GAS7: variants seen among roughly 807,000 people sequenced by gnomAD.
The protein encoded by GAS7 is growth arrest-specific protein 7.
In GAS7, 28 loss-of-function variants were observed where a neutral mutation model predicts 71.1. The observed-to-expected ratio is 0.39, with a 90% CI of 0.29 to 0.54. GAS7 has a LOEUF of 0.54. Ranked by LOEUF, GAS7 falls within the 20% of genes least tolerant of loss-of-function variation. GAS7 has a pLI of 0.62. For synonymous variants in GAS7, 258 were observed against 245.8 expected (o/e 1.05, Z -0.46); for missense variants, 436 against 627.8 (o/e 0.69, Z 3.27).
chr17:9,981,963 G>A lies in GAS7; in HGVS notation c.305-79C>T. On this transcript the variant is annotated intron_variant, in intron 2 of 13. Transcript: ENST00000432992. The surrounding 1 kb of genome is among the most constrained non-coding windows in gnomAD (Gnocchi z 4.4). The stretch of plus-strand genomic sequence containing the variant: ...TGAGTTTCACAGAGCAGAAGGAGAT[G>A]CTCAGAGCTGGAGAAAAAGAGAGAC... The A allele has an allele frequency of 1.2e-6, 1 of 816,442 alleles. No homozygotes were observed. The highest frequency in any genetic ancestry group is 2.2e-6 in the Non-Finnish European group (1 of 464,460). The allele number at this position is 816,442 out of a possible 1,614,324, so 50.6% of individuals were successfully genotyped here.
intron 1 of GAS7, among the ~76,000 whole-genome samples, chr17:10,169,043 G>A (rs568993356): frequency 2.6e-5 from 4 of 151,122 alleles, no homozygotes; most frequent in East Asian, 3.9e-4. Flanking sequence ...TTGGGAGGCC[G>A]AGGCAGGCAG....
chr17:10,148,243 G>C (rs780029984), intron 1 of GAS7, among the ~76,000 whole-genome samples: 1 of 152,084 alleles, frequency 6.6e-6, no homozygotes, highest in African/African-American at 2.4e-5. Context: ...AAGCTGCCTC[G>C]TTGGTTTCGG....
intron 1 of GAS7, among the ~76,000 whole-genome samples, chr17:10,021,957 G>C (rs1226006631): frequency 6.6e-6 from 1 of 152,142 alleles, no homozygotes; most frequent in Non-Finnish European, 1.5e-5. Flanking sequence ...GGGGTCAGGG[G>C]ATTAAAACTG....
At chr17:10,143,142 G>A (rs1227817288) in intron 1 of GAS7, among the ~76,000 whole-genome samples, 1 of 152,068 alleles carries the variant, frequency 6.6e-6, no homozygotes, top group East Asian at 1.9e-4. Context: ...AGATTGTGCC[G>A]CTACATTCCA....
intron 8 of GAS7, among the ~76,000 whole-genome samples, chr17:9,934,611 G>C (rs1597478763): frequency 6.6e-6 from 1 of 152,142 alleles, no homozygotes; most frequent in African/African-American, 2.4e-5. Flanking sequence ...CTTGACCCCT[G>C]GGCCGTCACT....
chr17:10,191,769 G>C (rs2074503476), intron 1 of GAS7, among the ~76,000 whole-genome samples: 1 of 151,138 alleles, frequency 6.6e-6, no homozygotes, highest in Non-Finnish European at 1.5e-5. Flanking sequence ...CAGCTACTCA[G>C]GAGGCTGAGG....
At chr17:10,079,452 T>A (rs886708420) in intron 1 of GAS7, among the ~76,000 whole-genome samples, 1 of 152,190 alleles carries the variant, frequency 6.6e-6, no homozygotes, top group African/African-American at 2.4e-5. Context: ...TTATGTCTGA[T>A]AAGAAATACT....
intron 2 of GAS7, among the ~76,000 whole-genome samples, chr17:9,982,922 C>T (rs1326736309): frequency 6.6e-6 from 1 of 151,546 alleles, no homozygotes; most frequent in Non-Finnish European, 1.5e-5. Flanking sequence ...TAGTATTGTC[C>T]CCCAAACACT....
At position 9,911,340 on chromosome 17, in the gene GAS7, C is replaced by G. The variant is rs1338680807; in HGVS notation, c.*5888G>C. ...CTCTCCCCCTGCATAGCAGGCTTTC[C>G]CTCTAGGTCTCCCAGTCACCCCACC... On this transcript the variant is annotated 3_prime_UTR_variant, in exon 14 of 14. Coordinates refer to ENST00000432992, the MANE Select transcript of GAS7 (RefSeq NM_201433.2). The surrounding 1 kb of genome is among the most constrained non-coding windows in gnomAD (Gnocchi z 4.0). 1 of 233,390 alleles carries G rather than the reference C, an allele frequency of 4.3e-6. No individual in the cohort carries two copies. The highest frequency in any genetic ancestry group is 2.2e-5 in the African/African-American group (1 of 45,350). The allele number at this position is 233,390 out of a possible 1,614,324, so 14.5% of individuals were successfully genotyped here.
chr17:9,924,512 C>G (rs925032102), intron 11 of GAS7, among the ~76,000 whole-genome samples: 1 of 136,986 alleles, frequency 7.3e-6, no homozygotes, highest in Non-Finnish European at 1.5e-5. Context: ...TTAAACAGAT[C>G]TCTTCCCCTT....
Position 10,006,391 on chromosome 17 carries a change from G to T in GAS7, c.304+13386C>A, listed in dbSNP as rs528764949. Among the ~76,000 whole-genome samples, 531 of 141,486 alleles carry T rather than the reference G, an allele frequency of 3.8e-3. 4 individuals carry two copies. Among genetic ancestry groups the T allele is most frequent in the Non-Finnish European group, 5.2e-3 (347 of 66,364 alleles). The allele number at this position is 141,486 out of a possible 152,430, so 92.8% of individuals were successfully genotyped here. ...GTTGCCCAGGCTGGAGTGCAGTGGC[G>T]CGATCTCGGCTCACTGCAAGCTCCA... is the stretch of plus-strand genomic sequence containing the variant. On this transcript the variant is annotated intron_variant, in intron 2 of 13. Transcript: ENST00000432992.
At chr17:9,988,754 G>A (rs1960482329) in intron 2 of GAS7, among the ~76,000 whole-genome samples, 1 of 151,860 alleles carries the variant, frequency 6.6e-6, no homozygotes, top group Admixed American at 6.6e-5. Flanking sequence ...ACTACTCTCT[G>A]AAGAACCATT....
chr17:10,028,746 T>C (rs2072535823), intron 1 of GAS7, among the ~76,000 whole-genome samples: 1 of 151,320 alleles, frequency 6.6e-6, no homozygotes. Flanking sequence ...TAGGGAAGTT[T>C]GAAAGGTTGT....
At chr17:9,980,981 C>G (rs1248899106) in intron 3 of GAS7, among the ~76,000 whole-genome samples, 1 of 152,152 alleles carries the variant, frequency 6.6e-6, no homozygotes, top group Non-Finnish European at 1.5e-5. Flanking sequence ...CTGAACAAAC[C>G]TCCCACCTAT....
chr17:9,924,398 C>A (rs1445571980), intron 11 of GAS7, among the ~76,000 whole-genome samples: 2 of 152,138 alleles, frequency 1.3e-5, no homozygotes, highest in Non-Finnish European at 2.9e-5. Flanking sequence ...GTCTCGAACT[C>A]CTGGGCTCAA....
In GAS7 at chr17:10,012,806, T is replaced by C. The variant is rs2071827928; in HGVS notation, c.304+6971A>G. Among the ~76,000 whole-genome samples, 2 of 151,734 alleles carry C rather than the reference T, an allele frequency of 1.3e-5. 1 individual carries two copies. Among genetic ancestry groups the C allele is most frequent in the South Asian group, 4.2e-4 (2 of 4,800 alleles). ...TCCACCATCATGGGGTTAGTGCCAT[T>C]AAAAGAGAAACCCAGGCAGGGCGCG... On this transcript the variant is annotated intron_variant, in intron 2 of 13. Transcript: ENST00000432992.
At chr17:10,110,866 T>C (rs755226662) in intron 1 of GAS7, among the ~76,000 whole-genome samples, 9 of 152,198 alleles carry the variant, frequency 5.9e-5, no homozygotes, top group Non-Finnish European at 1.2e-4. Context: ...AGAATGTTTG[T>C]TCCCAACACA....
intron 5 of GAS7, 152 bp from the exon 6 acceptor site, chr17:9,947,135 A>T: frequency 1.7e-6 from 1 of 572,484 alleles, no homozygotes; most frequent in South Asian, 2.0e-5. Context: ...AGCATTTCAC[A>T]TGAGCGGCAA....
At chr17:10,181,644 T>G (rs2074417846) in intron 1 of GAS7, among the ~76,000 whole-genome samples, 1 of 152,124 alleles carries the variant, frequency 6.6e-6, no homozygotes, top group African/African-American at 2.4e-5. Context: ...GGCTAAGGCA[T>G]GGTATATTGT....
Sources: gnomAD v4.1 joint callset for allele counts (sites outside exome capture counted in the v4.1 genomes callset) on GRCh38, gnomAD v4.1.1 for gene constraint, Gnocchi (gnomAD v3.1) non-coding constraint, MANE v1.5 for transcripts, NCBI Gene and HGNC (gene_info 2026-07-23, HGNC 2026-07-21) for gene names.